Variants in HNRNPH1 observed in about 807,000 individuals in gnomAD.
HNRNPH1 encodes the protein heterogeneous nuclear ribonucleoprotein H.
In HNRNPH1, 4 loss-of-function variants were observed where a neutral mutation model predicts 58.6. The ratio of observed to expected loss-of-function variants is 0.07; its 90% confidence interval spans 0.03 to 0.16. The LOEUF is 0.16. Among genes scored for constraint, HNRNPH1 ranks in the 10% least tolerant of loss-of-function variants. The pLI is 1.00. For missense variants in HNRNPH1, 271 were observed against 564.2 expected, an observed-to-expected ratio of 0.48 and a Z score of 5.26; for synonymous variants, 192 against 189.2, an observed-to-expected ratio of 1.01 and a Z score of -0.12.
At chr5:179,617,716 C>T in intron 7 of HNRNPH1, 67 bp from the exon 9 acceptor site, 2 of 1,603,276 alleles carry the variant, frequency 1.2e-6, no homozygotes, top group South Asian at 1.1e-5. Context: ...CCTAAAATTT[C>T]TAACATAGTG....
At chr5:179,621,265 G>A in exon 2 of HNRNPH1, 3 of 1,613,852 alleles carry the variant, frequency 1.9e-6, no homozygotes, top group Non-Finnish European at 2.5e-6. Context: ...GTGTCCCATA[G>A]TTTCTCTGTC....
Position 179,623,170 on chromosome 5 carries a change from A to G in HNRNPH1, c.-37T>C. 2.7e-6 allele frequency: 4 copies of G among 1,483,174 alleles called. No homozygotes were observed. Among genetic ancestry groups the G allele is most frequent in the Non-Finnish European group, 2.8e-6 (3 of 1,066,922 alleles). 91.9% of individuals were successfully genotyped at this position (1,483,174 alleles called of 1,614,324 possible). A position where few individuals can be genotyped will look rare whatever the true frequency, so the allele number is the denominator to read the frequency against. On this transcript the variant is annotated 5_prime_UTR_variant, in exon 1 of 13. Transcript: ENST00000356731. ...CGGTCCGGCGTCGAAACAAACTGCA[A>G]AGCGGGGAGGACCAGAACTGAGAGC...
intron 1 of HNRNPH1, 112 bp from the exon 3 acceptor site, chr5:179,621,509 C>T (rs1384948889): frequency 2.4e-6 from 2 of 838,862 alleles, no homozygotes; most frequent in Admixed American, 2.6e-5. Flanking sequence ...ACTTGTGAAG[C>T]CTATATATAC....
chr5:179,629,079 C>G (rs1311840729), upstream of HNRNPH1: 3 of 146,006 alleles, frequency 2.1e-5, no homozygotes, highest in Non-Finnish European at 1.5e-5. Flanking sequence ...GGGCAGATCA[C>G]AAGGTCAGCA....
At chr5:179,626,206 C>T (rs1774379592), upstream of HNRNPH1, among the ~76,000 whole-genome samples, 2 of 151,852 alleles carry the variant, frequency 1.3e-5, no homozygotes. Flanking sequence ...TAGGTTCAAG[C>T]AATTCTCATG....
At chr5:179,623,190 G>C (rs533094675) in exon 1 of HNRNPH1, 99 of 1,286,644 alleles carry the variant, frequency 7.7e-5, no homozygotes, top group Middle Eastern at 5.8e-4. Flanking sequence ...GACCAGAACT[G>C]AGAGCGCCAA....
At chr5:179,626,305 A>G (rs1368613599), upstream of HNRNPH1, among the ~76,000 whole-genome samples, 4 of 149,854 alleles carry the variant, frequency 2.7e-5, no homozygotes, top group Non-Finnish European at 5.9e-5. Context: ...GGGTTTTGCC[A>G]TGTTGGCCAG....
intron 3 of HNRNPH1, 127 bp from the exon 5 acceptor site, chr5:179,619,534 A>T: frequency 1.4e-6 from 1 of 739,352 alleles, no homozygotes; most frequent in Non-Finnish European, 2.2e-6. Context: ...TGCTTTCAAC[A>T]AGTACTCTTT....
rs1254156867 is a variant in HNRNPH1 at position 179,614,975 on chromosome 5, T to C, written c.*1-16A>G. On this transcript the variant is annotated splice_polypyrimidine_tract_variant and intron_variant, in intron 12 of 12. Coordinates refer to ENST00000356731, the Ensembl canonical transcript of HNRNPH1. Reference sequence around the variant, plus strand: ...CCTTGGTTACCTGCAAAGAGATCAATTTGACAAGTTAGGAGTAATATCAGA... The same window carrying C: ...CCTTGGTTACCTGCAAAGAGATCAACTTGACAAGTTAGGAGTAATATCAGA... 3 of 1,421,074 alleles carry C rather than the reference T, an allele frequency of 2.1e-6. No individual in the cohort carries two copies. Among genetic ancestry groups the C allele is most frequent in the African/African-American group, 1.4e-5 (1 of 70,580 alleles). 88.0% of individuals were successfully genotyped at this position (1,421,074 alleles called of 1,614,324 possible). A position where few individuals can be genotyped will look rare whatever the true frequency, so the allele number is the denominator to read the frequency against.
At chr5:179,621,704 T>C in intron 1 of HNRNPH1, 1 of 405,748 alleles carries the variant, frequency 2.5e-6, no homozygotes, top group Non-Finnish European at 4.6e-6. Flanking sequence ...CAGAAGATTA[T>C]CAAGCCTGGA....
At chr5:179,625,207 A>C (rs186356728), upstream of HNRNPH1, among the ~76,000 whole-genome samples, 1 of 152,296 alleles carries the variant, frequency 6.6e-6, no homozygotes, top group East Asian at 1.9e-4. Flanking sequence ...AATCAAGAAG[A>C]GAGTCCGGCC....
chr5:179,627,620 A>G (rs1224212172), upstream of HNRNPH1, among the ~76,000 whole-genome samples: 1 of 151,606 alleles, frequency 6.6e-6, no homozygotes, highest in Non-Finnish European at 1.5e-5. Context: ...TTGTGCCTCA[A>G]TCTCCCAAAT....
At chr5:179,632,039 G>A (rs1774870390) in intron 2 of HNRNPH1, among the ~76,000 whole-genome samples, 2 of 151,668 alleles carry the variant, frequency 1.3e-5, no homozygotes, top group Non-Finnish European at 2.9e-5. Flanking sequence ...GGGCGCGGCG[G>A]CTCACGCCTG....
upstream of HNRNPH1, chr5:179,629,104 TG>T (rs1462515112): frequency 1.4e-5 from 2 of 146,770 alleles, no homozygotes; most frequent in Admixed American, 6.7e-5. Context: ...GAGACCATCC[TG>T]GATAACACAG....
At position 179,615,313 on chromosome 5, in the gene HNRNPH1, C is replaced by A. The variant is rs1581622672; in HGVS notation, c.*233G>T. Reference sequence around the variant, plus strand: ...AAAAAAAATTTAACATAAACATTCACAATGTGTCCCTCGAATGGCATTTGA... The same window carrying A: ...AAAAAAAATTTAACATAAACATTCAAAATGTGTCCCTCGAATGGCATTTGA... On this transcript the variant is annotated intron_variant, in intron 12 of 12. Coordinates refer to ENST00000356731, the Ensembl canonical transcript of HNRNPH1. 6.4e-6 allele frequency: 3 copies of A among 470,190 alleles called. No homozygotes were observed. In the East Asian group the frequency reaches 9.6e-5, roughly 15 times the overall value. 29.1% of individuals were successfully genotyped at this position (470,190 alleles called of 1,614,324 possible).
upstream of HNRNPH1, among the ~76,000 whole-genome samples, chr5:179,626,871 G>T (rs1329315667): frequency 2.6e-5 from 4 of 151,192 alleles, no homozygotes; most frequent in Non-Finnish European, 4.4e-5. Context: ...CGCCTCCCAG[G>T]TTCACACCAT....
At chr5:179,620,852 A>C in intron 3 of HNRNPH1, 40 bp downstream of exon 4, 1 of 1,601,808 alleles carries the variant, frequency 6.2e-7, no homozygotes, top group Non-Finnish European at 8.5e-7. Flanking sequence ...GCCATAAGCT[A>C]GCCAAAACTC....
intron 3 of HNRNPH1, chr5:179,620,125 T>C (rs1771611221): frequency 6.6e-6 from 1 of 152,236 alleles, no homozygotes; most frequent in Admixed American, 6.5e-5. Context: ...GACTTGATTT[T>C]AAAAATTCTG....
rs1428621942 is a variant in HNRNPH1, at chr5:179,617,513, C to T, written c.1057+1G>A. ...GCCCACAAATGCTCAATCACACTTA[C>T]GCATATTTGCTTTGTCTTTTGACAT... On this transcript the variant is annotated splice_donor_variant, in intron 8 of 12. Transcript: ENST00000356731. LOFTEE classifies it high-confidence loss of function. The T allele has an allele frequency of 6.2e-7, 1 of 1,613,082 alleles. No individual in the cohort carries two copies.
Sources: allele counts gnomAD v4.1 joint callset (sites outside exome capture counted in the v4.1 genomes callset), GRCh38; gene constraint gnomAD v4.1.1; transcripts MANE v1.5; gene names NCBI Gene and HGNC (gene_info 2026-07-23, HGNC 2026-07-21).